Variants in GRID2 observed in about 807,000 individuals in gnomAD.
GRID2 encodes the protein glutamate ionotropic receptor delta type subunit 2, also known as glutamate receptor ionotropic, delta-2.
In GRID2, 33 loss-of-function variants were observed where a neutral mutation model predicts 114.8. That is an observed-to-expected ratio of 0.29 (90% confidence interval 0.22 to 0.38). The LOEUF is 0.38. Among genes scored for constraint, GRID2 ranks in the 10% least tolerant of loss-of-function variants. GRID2 has a pLI of 1.00. For missense variants in GRID2, 1,184 were observed against 1,257.7 expected (o/e 0.94, Z 0.89); for synonymous variants, 505 against 449.9 (o/e 1.12, Z -1.55).
At chr4:93,795,091 CA>C (rs1279450593) in intron 1 of GRID2, among the ~76,000 whole-genome samples, 2 of 151,740 alleles carry the variant, frequency 1.3e-5, no homozygotes, top group Non-Finnish European at 2.9e-5. Flanking sequence ...AGCATAAAGA[CA>C]AAAAACTAAG....
chr4:92,799,384 C>T (rs968602872), intron 2 of GRID2, among the ~76,000 whole-genome samples: 5 of 151,972 alleles, frequency 3.3e-5, no homozygotes, highest in African/African-American at 1.2e-4. Context: ...TAACAGGCCA[C>T]AGACTAATAC....
intron 2 of GRID2, among the ~76,000 whole-genome samples, chr4:92,787,064 A>G (rs1164734946): frequency 6.6e-6 from 1 of 151,932 alleles, no homozygotes; most frequent in Non-Finnish European, 1.5e-5. Context: ...TTACAAACAC[A>G]ACTGCTATTA....
intron 1 of GRID2, among the ~76,000 whole-genome samples, chr4:92,424,107 C>T (rs1367322023): frequency 6.6e-6 from 1 of 151,946 alleles, no homozygotes; most frequent in Admixed American, 6.6e-5. Flanking sequence ...TCAATAAAAA[C>T]AGTCCTACAG....
Position 93,467,998 on chromosome 4 carries a change from A to G in GRID2, c.1858+12024A>G, listed in dbSNP as rs190963388. On this transcript the variant is annotated intron_variant, in intron 11 of 15. Transcript: ENST00000282020. ...AAGACCAGTTTATTCTGCTGAGAAA[A>G]CAAGTTTGTACTTATAGAATCATAT... 2.0e-3 allele frequency among the ~76,000 whole-genome samples: 309 copies of G among 152,308 alleles called. 2 individuals carry two copies. In the Middle Eastern group the frequency reaches 0.02, roughly 10 times the overall value.
At chr4:93,334,406 G>T (rs1366056935) in intron 8 of GRID2, among the ~76,000 whole-genome samples, 1 of 152,050 alleles carries the variant, frequency 6.6e-6, no homozygotes, top group Admixed American at 6.6e-5. Flanking sequence ...CACTTTTTGT[G>T]CAGCATCTGC....
rs5860312 is a variant in GRID2 at position 93,206,591 on chromosome 4, TACAC to T, written c.736-778_736-775del. Among the ~76,000 whole-genome samples, 921 of 143,006 alleles carry T rather than the reference TACAC, an allele frequency of 6.4e-3. 7 individuals carry two copies. Among genetic ancestry groups the T allele is most frequent in the African/African-American group, 0.019 (749 of 39,090 alleles). The allele number at this position is 143,006 out of a possible 152,430, so 93.8% of individuals were successfully genotyped here. A position where few individuals can be genotyped will look rare whatever the true frequency, so the allele number is the denominator to read the frequency against. On this transcript the variant is annotated intron_variant, in intron 4 of 15. Transcript: ENST00000282020. ...ACCTTCATATAGAAACTGCCCCTAC[TACAC>T]ACACACACACACACACACACACACA...
At chr4:92,912,863 T>C (rs1220125652) in intron 2 of GRID2, among the ~76,000 whole-genome samples, 1 of 151,840 alleles carries the variant, frequency 6.6e-6, no homozygotes, top group African/African-American at 2.4e-5. Context: ...CATAACTTGG[T>C]GGGAATCACA....
intron 2 of GRID2, among the ~76,000 whole-genome samples, chr4:93,078,395 T>G (rs983904528): frequency 6.6e-6 from 1 of 152,016 alleles, no homozygotes; most frequent in African/African-American, 2.4e-5. Flanking sequence ...CATATGAATA[T>G]CTTCTGTCTC....
chr4:93,667,935 T>C (rs1488836606), intron 14 of GRID2, among the ~76,000 whole-genome samples: 2 of 151,984 alleles, frequency 1.3e-5, no homozygotes, highest in Admixed American at 6.6e-5. Flanking sequence ...AGAAGTGGCA[T>C]ATTATGGAAC....
intron 2 of GRID2, among the ~76,000 whole-genome samples, chr4:92,605,714 A>G (rs1729422117): frequency 6.6e-6 from 1 of 152,064 alleles, no homozygotes; most frequent in Non-Finnish European, 1.5e-5. Context: ...GTGTTGAGGA[A>G]CTATATGTTC....
chr4:93,732,720 A>T (rs1180098186), intron 14 of GRID2, among the ~76,000 whole-genome samples: 1 of 152,138 alleles, frequency 6.6e-6, no homozygotes, highest in East Asian at 1.9e-4. Flanking sequence ...GATTTCTCCC[A>T]CAGTGGACCT....
At chr4:93,327,223 C>T (rs1035344284) in intron 8 of GRID2, among the ~76,000 whole-genome samples, 4 of 152,136 alleles carry the variant, frequency 2.6e-5, no homozygotes, top group Non-Finnish European at 5.9e-5. Flanking sequence ...TGCTCCAGAT[C>T]ATTTATACAA....
intron 1 of GRID2, among the ~76,000 whole-genome samples, chr4:92,387,203 T>G (rs935195947): frequency 2.6e-5 from 4 of 151,906 alleles, no homozygotes; most frequent in African/African-American, 9.7e-5. Flanking sequence ...AAGAACATCT[T>G]AACTCTAGAA....
chr4:93,315,044 C>G (rs1756440146), intron 8 of GRID2, among the ~76,000 whole-genome samples: 1 of 152,024 alleles, frequency 6.6e-6, no homozygotes. Flanking sequence ...GGGGAGGCCT[C>G]AGGAAACTTA....
intron 2 of GRID2, among the ~76,000 whole-genome samples, chr4:92,710,862 A>G (rs187734343): frequency 3.0e-4 from 46 of 152,214 alleles, no homozygotes; most frequent in Non-Finnish European, 4.9e-4. Context: ...TTATATTACT[A>G]TTAATAATAA....
At chr4:92,845,251 A>G (rs1743225298) in intron 2 of GRID2, among the ~76,000 whole-genome samples, 1 of 152,010 alleles carries the variant, frequency 6.6e-6, no homozygotes, top group Admixed American at 6.6e-5. Flanking sequence ...CTCTTGGTTT[A>G]TTTTTTGGTT....
At chr4:93,719,051 G>A (rs911794042) in intron 14 of GRID2, among the ~76,000 whole-genome samples, 2 of 151,552 alleles carry the variant, frequency 1.3e-5, no homozygotes, top group Non-Finnish European at 2.9e-5. Flanking sequence ...TATATTATAC[G>A]AAATATAAAT....
At chr4:92,546,357 G>A (rs1310943445) in intron 1 of GRID2, among the ~76,000 whole-genome samples, 3 of 152,038 alleles carry the variant, frequency 2.0e-5, no homozygotes, top group East Asian at 3.9e-4. Flanking sequence ...TTTCCCCATC[G>A]TGCCATGTTT....
At chr4:93,015,207 T>G (rs1435156023) in intron 2 of GRID2, among the ~76,000 whole-genome samples, 1 of 152,028 alleles carries the variant, frequency 6.6e-6, no homozygotes, top group Admixed American at 6.6e-5. Context: ...ACTAAAAGAT[T>G]AAAACCCATT....
Sources: gnomAD v4.1 joint callset for allele counts (sites outside exome capture counted in the v4.1 genomes callset) on GRCh38, gnomAD v4.1.1 for gene constraint, MANE v1.5 for transcripts, NCBI Gene and HGNC (gene_info 2026-07-23, HGNC 2026-07-21) for gene names.